The following FKTN variants were observed in gnomAD, a reference collection of about 807,000 sequenced individuals.
FKTN encodes fukutin.
In FKTN, 47 loss-of-function variants were observed where a neutral mutation model predicts 58.6. That is an observed-to-expected ratio of 0.80 (90% confidence interval 0.63 to 1.02). FKTN has a LOEUF of 1.02. FKTN is among the 50% of genes least tolerant of loss of function. FKTN has a pLI of 0.00. For missense variants in FKTN, 516 were observed against 537.3 expected (o/e 0.96, Z 0.39); for synonymous variants, 178 against 191.9 (o/e 0.93, Z 0.60).
chr9:105,572,976 T>C (rs1841017639), intron 1 of FKTN, among the ~76,000 whole-genome samples: 1 of 152,208 alleles, frequency 6.6e-6, no homozygotes, highest in East Asian at 1.9e-4. Flanking sequence ...GGCTCATGCC[T>C]GTAATCCCAG....
chr9:105,637,483 T>C lies in FKTN; in HGVS notation c.*2219T>C, dbSNP rs1243696299. 5.1e-6 allele frequency: 5 copies of C among 985,358 alleles called. No homozygotes were observed. The African/African-American group carries it at 8.7e-5, about 17-fold the overall frequency. The allele number at this position is 985,358 out of a possible 1,614,324, so 61.0% of individuals were successfully genotyped here. A position where few individuals can be genotyped will look rare whatever the true frequency, so the allele number is the denominator to read the frequency against. ...GGAAACAAAAGCCTTCTCTAGAATC[T>C]GAAGGCCAGGCTTACCTCTGATTCT... On this transcript the variant is annotated 3_prime_UTR_variant, in exon 11 of 11. Transcript: ENST00000357998.
intron 1 of FKTN, among the ~76,000 whole-genome samples, chr9:105,568,197 A>T (rs1370815243): frequency 6.6e-6 from 1 of 152,194 alleles, no homozygotes. Flanking sequence ...CCCTAGAAGA[A>T]AACCAAGGCA....
chr9:105,611,490 G>A lies in FKTN; in HGVS notation c.780+3539G>A, dbSNP rs573526421. Among the ~76,000 whole-genome samples, 20 of 151,964 alleles carry A rather than the reference G, an allele frequency of 1.3e-4. No homozygotes were observed. The South Asian group carries it at 4.0e-3, about 30-fold the overall frequency. ...CTAGTACCTATTAGTTATTTTTCCT[G>A]GTCCTCTTTCTCCTCCCACCCTCCA... is the stretch of plus-strand genomic sequence containing the variant. On this transcript the variant is annotated intron_variant, in intron 7 of 10. Transcript: ENST00000357998.
At position 105,629,295 on chromosome 9, in the gene FKTN, A is replaced by G. The variant is rs147857496; in HGVS notation, c.1173-5756A>G. On this transcript the variant is annotated intron_variant, in intron 10 of 10. Transcript: ENST00000357998. Reference sequence around the variant, plus strand: ...TAAGAGAAAAAGGGTCTGAGATCACAGGTTGAAACAGAGGGATATATGGGA... The same window carrying G: ...TAAGAGAAAAAGGGTCTGAGATCACGGGTTGAAACAGAGGGATATATGGGA... Among the ~76,000 whole-genome samples the G allele has an allele frequency of 5.2e-3, 795 of 152,368 alleles. 8 individuals are homozygous for G. The highest frequency in any genetic ancestry group is 0.019 in the African/African-American group (770 of 41,584).
rs1199044619 is a variant in FKTN, at chr9:105,638,770, TACTC to T, written c.*3507_*3510del. The T allele has an allele frequency of 1.0e-6, 1 of 975,368 alleles. No individual in the cohort carries two copies. Among genetic ancestry groups the T allele is most frequent in the Non-Finnish European group, 1.2e-6 (1 of 820,912 alleles). The allele number at this position is 975,368 out of a possible 1,614,324, so 60.4% of individuals were successfully genotyped here. On this transcript the variant is annotated 3_prime_UTR_variant, in exon 11 of 11. Transcript: ENST00000357998. ...AACTACTTTTAATTATTTATATTGA[TACTC>T]TCTGATAAATGCAGGTAGTTAAGAA... is the stretch of plus-strand genomic sequence containing the variant.
intron 6 of FKTN, among the ~76,000 whole-genome samples, chr9:105,607,143 C>T (rs2132876850): frequency 6.6e-6 from 1 of 152,100 alleles, no homozygotes; most frequent in African/African-American, 2.4e-5. Context: ...GCTATCTCTA[C>T]ATTGTAAAAT....
intron 3 of FKTN, among the ~76,000 whole-genome samples, chr9:105,584,923 C>T (rs1190223677): frequency 6.6e-6 from 1 of 151,952 alleles, no homozygotes; most frequent in Non-Finnish European, 1.5e-5. Context: ...AGTTCAGAAA[C>T]TGTTATTTAA....
At position 105,637,226 on chromosome 9, in the gene FKTN, A is replaced by G; in HGVS notation, c.*1962A>G. On this transcript the variant is annotated 3_prime_UTR_variant, in exon 11 of 11. Coordinates refer to ENST00000357998, the MANE Select transcript of FKTN (RefSeq NM_001079802.2). ...ATGCATACACTCCACATTTCTCCCC[A>G]TTTCCAATTGGGACTCCCATTCTTT... is the stretch of plus-strand genomic sequence containing the variant. 1 of 985,108 alleles carries G rather than the reference A, an allele frequency of 1.0e-6. No homozygotes were observed. The highest frequency in any genetic ancestry group is 1.2e-6 in the Non-Finnish European group (1 of 829,616). The allele number at this position is 985,108 out of a possible 1,614,324, so 61.0% of individuals were successfully genotyped here.
chr9:105,590,169 A>G (rs1844616966), intron 3 of FKTN, among the ~76,000 whole-genome samples: 1 of 152,056 alleles, frequency 6.6e-6, no homozygotes. Flanking sequence ...ACCTGGTGGG[A>G]GATAATTGAA....
intron 3 of FKTN, among the ~76,000 whole-genome samples, chr9:105,578,153 C>T (rs1463152200): frequency 6.7e-6 from 1 of 150,224 alleles, no homozygotes; most frequent in Admixed American, 6.6e-5. Flanking sequence ...TAATTGAATA[C>T]CCTTTATTTC....
chr9:105,591,878 C>T (rs1844939058), intron 3 of FKTN, among the ~76,000 whole-genome samples: 1 of 152,230 alleles, frequency 6.6e-6, no homozygotes, highest in South Asian at 2.1e-4. Flanking sequence ...TCTTAAGCCT[C>T]AACTCTTGCA....
rs534920797 is a variant in FKTN at position 105,602,910 on chromosome 9, G to A, written c.370-1305G>A. ...CCCCCCTAAAACATCCCCCAATGTG[G>A]AGCTAATCAGATTGTTAGATCTAAT... On this transcript the variant is annotated intron_variant, in intron 5 of 10. Transcript: ENST00000357998. Among the ~76,000 whole-genome samples, 5 of 152,178 alleles carry A rather than the reference G, an allele frequency of 3.3e-5. No individual in the cohort carries two copies. The South Asian group carries it at 1.0e-3, about 32-fold the overall frequency.
intron 3 of FKTN, among the ~76,000 whole-genome samples, chr9:105,584,664 A>G (rs1843597537): frequency 6.6e-6 from 1 of 152,108 alleles, no homozygotes; most frequent in South Asian, 2.1e-4. Context: ...TACAAAAAAT[A>G]CAAATATTAG....
intron 1 of FKTN, among the ~76,000 whole-genome samples, chr9:105,568,319 G>C (rs1430570357): frequency 6.6e-6 from 1 of 152,196 alleles, no homozygotes; most frequent in African/African-American, 2.4e-5. Context: ...AAGAGCTTCT[G>C]CATAGCAAAA....
At chr9:105,609,599 A>G (rs1186196397) in intron 7 of FKTN, among the ~76,000 whole-genome samples, 1 of 152,154 alleles carries the variant, frequency 6.6e-6, no homozygotes, top group Non-Finnish European at 1.5e-5. Context: ...AGTCTGGGAC[A>G]GTTTCTCAGT....
chr9:105,573,150 G>T (rs1451119068), intron 1 of FKTN, among the ~76,000 whole-genome samples: 1 of 151,736 alleles, frequency 6.6e-6, no homozygotes, highest in Admixed American at 6.6e-5. Context: ...TAGGAGAATT[G>T]CTTGAACCCA....
chr9:105,567,750 C>T (rs1839942313), intron 1 of FKTN, among the ~76,000 whole-genome samples: 2 of 152,334 alleles, frequency 1.3e-5, no homozygotes, highest in South Asian at 4.2e-4. Flanking sequence ...CCATCCCCAT[C>T]AAGCTACCAA....
rs1197699094 is a variant in FKTN, at chr9:105,617,996, A to G, written c.948A>G (p.Lys316=). 1 of 1,591,912 alleles carries G rather than the reference A, an allele frequency of 6.3e-7. No individual in the cohort carries two copies. The highest frequency in any genetic ancestry group is 8.6e-7 in the Non-Finnish European group (1 of 1,159,810). Reference sequence around the variant, plus strand: ...AATGCAACATTATTCCTTATAGCAAAGATGTTGACCTAGGAATTTTTATAC... The same window carrying G: ...AATGCAACATTATTCCTTATAGCAAGGATGTTGACCTAGGAATTTTTATAC... ...YRQCNIIPYS[K]DVDLGIFIQD... The change falls in exon 9 of 11, where the codon AAA becomes AAG. Residue 316 remains lysine (K), a synonymous_variant. Transcript: ENST00000357998.
intron 3 of FKTN, among the ~76,000 whole-genome samples, chr9:105,580,821 G>T (rs1223443370): frequency 1.3e-4 from 5 of 37,788 alleles, no homozygotes; most frequent in African/African-American, 7.2e-4. Context: ...ACGTAGATTT[G>T]GTCTTTTCAC....
Sources: allele counts gnomAD v4.1 joint callset (sites outside exome capture counted in the v4.1 genomes callset), GRCh38; gene constraint gnomAD v4.1.1; transcripts MANE v1.5; gene names NCBI Gene and HGNC (gene_info 2026-07-23, HGNC 2026-07-21).